The following VWF variants were observed in gnomAD, a reference collection of about 807,000 sequenced individuals.
VWF encodes Factor VIII related antigen.
In VWF, 176 loss-of-function variants were observed where a neutral mutation model predicts 308.6. That is an observed-to-expected ratio of 0.57 (90% confidence interval 0.50 to 0.65). The LOEUF (loss-of-function observed/expected upper bound fraction) is 0.65, where lower values mean the gene tolerates loss of function less well. VWF is among the 30% of genes least tolerant of loss of function. VWF has a pLI of 0.00. For missense variants in VWF, 3,146 were observed against 3,648.2 expected, an observed-to-expected ratio of 0.86 and a Z score of 3.55; for synonymous variants, 1,385 against 1,443.4, an observed-to-expected ratio of 0.96 and a Z score of 0.92.
At position 6,095,573 on chromosome 12, in the gene VWF, A is replaced by G; in HGVS notation, c.544T>C (p.Ser182Pro). 1.2e-6 allele frequency: 2 copies of G among 1,614,196 alleles called. No individual in the cohort carries two copies. The highest frequency in any genetic ancestry group is 1.7e-6 in the Non-Finnish European group (2 of 1,180,026). The change falls in exon 6 of 52, where the codon TCG becomes CCG. Residue 182 changes from serine to proline, a missense_variant. This residue lies in a region of VWF where 1,304 missense variants were observed against 1,353.0 expected (regional missense o/e 0.96). Coordinates refer to ENST00000261405, the MANE Select transcript of VWF (RefSeq NM_000552.5). ...GAGTTGGCAAAGTCATAAGGGTCCG[A>G]GGTCAAGGTCCCTGTGGAGGAAAGT... is the stretch of plus-strand genomic sequence containing the variant. ...DFMTQEGTLT[S>P]DPYDFANSWA...
intron 3 of VWF, among the ~76,000 whole-genome samples, chr12:6,114,729 G>T (rs1945345267): frequency 6.6e-6 from 1 of 152,146 alleles, no homozygotes; most frequent in Non-Finnish European, 1.5e-5. Context: ...AAGTCCAAGG[G>T]GCAGCCCAGG....
At chr12:5,982,050 A>T (rs1943612581) in intron 41 of VWF, 59 bp from the exon 42 acceptor site, 2 of 1,552,282 alleles carry the variant, frequency 1.3e-6, no homozygotes, top group Non-Finnish European at 1.8e-6. Flanking sequence ...GTAAGTATTC[A>T]GCTATGCTAT....
In VWF at chr12:5,996,215, G is replaced by A. The variant is rs1292346735; in HGVS notation, c.5850C>T (p.Cys1950=). 6.2e-7 allele frequency: 1 copy of A among 1,611,756 alleles called. No homozygotes were observed. Among genetic ancestry groups the A allele is most frequent in the East Asian group, 2.2e-5 (1 of 44,832 alleles). The change falls in exon 35 of 52, where the codon TGC becomes TGT. Residue 1950 remains cysteine (C), a synonymous_variant. Transcript: ENST00000261405. ...CGCRWTCPCV[C]TGSSTRHIVT... ...CGATGTGCCGAGTGGAGCTGCCTGT[G>A]CACACGCCTGGACAGAGAGAAGCAG...
chr12:6,016,059 T>C (rs1944052824), intron 31 of VWF, 30 bp downstream of exon 31: 3 of 1,613,716 alleles, frequency 1.9e-6, no homozygotes, highest in Non-Finnish European at 1.7e-6. Flanking sequence ...CTCGCTCTCC[T>C]GAATTGAGGA....
chr12:6,011,730 G>A lies in VWF; in HGVS notation c.5729C>T (p.Thr1910Ile), dbSNP rs2136403566. Residue 1910 changes from threonine to isoleucine, a missense_variant, in exon 34 of 52, where the codon ACC becomes ATC. Transcript: ENST00000261405. ...GTTGACCCGATGACTCTTCAGCAAG[G>A]TCTGGCCATCTGGCTGGCAAGTCAC... The part of the protein sequence containing the change: ...HTVTCQPDGQ[T>I]LLKSHRVNCD... 1.2e-6 allele frequency: 2 copies of A among 1,613,872 alleles called. No homozygotes were observed. The highest frequency in any genetic ancestry group is 3.3e-4 in the Middle Eastern group (2 of 6,050).
At chr12:6,014,792 A>G (rs1350360302) in intron 31 of VWF, among the ~76,000 whole-genome samples, 1 of 152,238 alleles carries the variant, frequency 6.6e-6, no homozygotes, top group African/African-American at 2.4e-5. Flanking sequence ...TATATGTAAG[A>G]AGAGAAGAGA....
intron 37 of VWF, 53 bp downstream of exon 37, chr12:5,993,809 G>C: frequency 6.4e-7 from 1 of 1,564,212 alleles, no homozygotes; most frequent in African/African-American, 1.4e-5. Flanking sequence ...GAGAGGCTGA[G>C]CAAGCCCAGT....
chr12:5,950,868 G>A (rs1356189929), intron 50 of VWF, among the ~76,000 whole-genome samples: 3 of 152,018 alleles, frequency 2.0e-5, no homozygotes, highest in Non-Finnish European at 2.9e-5. Context: ...CTTCTCTGAT[G>A]GTTTCCTGAC....
chr12:6,092,620 T>TGAGTGAGAGAGAGAGAGAGAGAGA (rs1250915385), intron 6 of VWF, among the ~76,000 whole-genome samples: 3 of 89,678 alleles, frequency 3.3e-5, no homozygotes, highest in African/African-American at 1.8e-4. Flanking sequence ...TGAGTGAGAG[T>TGAGTGAGAGAGAGAGAGAGAGAGA]GTGTGTGTGT....
At chr12:5,952,655 G>A in intron 48 of VWF, 136 bp from the exon 49 acceptor site, 2 of 1,231,378 alleles carry the variant, frequency 1.6e-6, no homozygotes, top group Non-Finnish European at 2.3e-6. Flanking sequence ...GTATAATAAA[G>A]CCCCCACACC....
rs1198077785 is a variant in VWF, at chr12:6,020,609, C to A, written c.3675-866G>T. ...CCAGTGTCCCGGAAAGTGGCACGGC[C>A]TGCCAGCCCACAGGTGAAATCAAGT... On this transcript the variant is annotated intron_variant, in intron 27 of 51. Transcript: ENST00000261405. The surrounding 1 kb of genome is among the most constrained non-coding windows in gnomAD (Gnocchi z 4.3). Among the ~76,000 whole-genome samples, 1 of 152,254 alleles carries A rather than the reference C, an allele frequency of 6.6e-6. No individual in the cohort carries two copies. Among genetic ancestry groups the A allele is most frequent in the Non-Finnish European group, 1.5e-5 (1 of 68,046 alleles).
chr12:5,983,622 C>T (rs1057070688), intron 40 of VWF, among the ~76,000 whole-genome samples: 2 of 150,626 alleles, frequency 1.3e-5, no homozygotes, highest in Non-Finnish European at 3.0e-5. Flanking sequence ...GGTAGATAGA[C>T]AGATAGATAT....
In VWF at chr12:6,020,594, G is replaced by A. The variant is rs912474836; in HGVS notation, c.3675-851C>T. 3.9e-5 allele frequency among the ~76,000 whole-genome samples: 6 copies of A among 152,232 alleles called. No homozygotes were observed. Among genetic ancestry groups the A allele is most frequent in the African/African-American group, 9.7e-5 (4 of 41,450 alleles). On this transcript the variant is annotated intron_variant, in intron 27 of 51. Transcript: ENST00000261405. This position sits in a 1 kb window ranked among gnomAD's most constrained non-coding sequence, Gnocchi z 4.3. ...AACATCACCTTTTTGCCAGTGTCCC[G>A]GAAAGTGGCACGGCCTGCCAGCCCA...
intron 5 of VWF, among the ~76,000 whole-genome samples, chr12:6,108,344 C>CACAT (rs1261569411): frequency 1.5e-5 from 2 of 134,976 alleles, no homozygotes; most frequent in African/African-American, 6.8e-5. Context: ...TACACACACA[C>CACAT]ACACACACAC....
At chr12:5,967,462 C>T (rs200573272) in intron 47 of VWF, 24 bp downstream of exon 47, 32 of 1,607,324 alleles carry the variant, frequency 2.0e-5, no homozygotes, top group Admixed American at 3.3e-5. Flanking sequence ...TCCATGCCCT[C>T]GGTCCCCATT....
At chr12:6,062,575 A>G (rs1251707748) in intron 13 of VWF, among the ~76,000 whole-genome samples, 1 of 151,922 alleles carries the variant, frequency 6.6e-6, no homozygotes, top group African/African-American at 2.4e-5. Flanking sequence ...GCTTTCTCTT[A>G]GCTGAGAGTG....
At chr12:6,047,619 T>C (rs1022454822) in intron 16 of VWF, among the ~76,000 whole-genome samples, 11 of 152,252 alleles carry the variant, frequency 7.2e-5, no homozygotes, top group African/African-American at 1.4e-4. Flanking sequence ...GCCTGGACTA[T>C]GTAAAAGTCT....
chr12:5,997,014 G>A (rs950153423), intron 34 of VWF, among the ~76,000 whole-genome samples: 3 of 152,164 alleles, frequency 2.0e-5, no homozygotes, highest in Admixed American at 6.6e-5. Context: ...TACAATGGCA[G>A]GTGAATACAT....
Position 6,065,155 on chromosome 12 carries a change from A to G in VWF, c.1275T>C (p.Ile425=). Residue 425 remains isoleucine (I), a synonymous_variant, in exon 11 of 52, where the codon ATT becomes ATC. Transcript: ENST00000261405. ...ARDCQDHSFS[I]VIETVQCADD... ...AGCTCACCTGGACAGTCTCAATGACAATGGAGAAGGAGTGGTCCTGGCAAT... is the reference window on the plus strand; with the variant it reads ...AGCTCACCTGGACAGTCTCAATGACGATGGAGAAGGAGTGGTCCTGGCAAT... 1.2e-6 allele frequency: 2 copies of G among 1,614,202 alleles called. No individual in the cohort carries two copies. The highest frequency in any genetic ancestry group is 1.7e-6 in the Non-Finnish European group (2 of 1,180,038).
Sources: gnomAD v4.1 joint callset for allele counts (sites outside exome capture counted in the v4.1 genomes callset) on GRCh38, gnomAD v4.1.1 for gene constraint, gnomAD v4.1.1 regional missense constraint, Gnocchi (gnomAD v3.1) non-coding constraint, MANE v1.5 for transcripts, NCBI Gene and HGNC (gene_info 2026-07-23, HGNC 2026-07-21) for gene names.